The following SLC35D4 variants were observed in gnomAD, a reference collection of about 807,000 sequenced individuals.
The protein encoded by SLC35D4 is solute carrier family 35 member D4.
At chr18:23,277,848 C>T in the SLC35D4 span, among the ~76,000 whole-genome samples, 1 of 152,144 alleles carries the variant, frequency 6.6e-6, no homozygotes, top group Non-Finnish European at 1.5e-5. Context: ...AAGGACAAGG[C>T]CTTGGGGCTC....
chr18:23,422,259 A>G, the SLC35D4 span, among the ~76,000 whole-genome samples: 1 of 151,802 alleles, frequency 6.6e-6, no homozygotes, highest in Non-Finnish European at 1.5e-5. Flanking sequence ...CCCAATAGAT[A>G]CCGTTTCAAC....
chr18:23,430,555 A>G, the SLC35D4 span: 4 of 1,271,304 alleles, frequency 3.1e-6, no homozygotes, highest in Non-Finnish European at 4.5e-6. Flanking sequence ...CTATGCAGTT[A>G]TTAAAACTAT....
chr18:23,326,586 C>T, the SLC35D4 span, among the ~76,000 whole-genome samples: 2 of 152,150 alleles, frequency 1.3e-5, no homozygotes, highest in Non-Finnish European at 2.9e-5. Context: ...GACTTAGACT[C>T]CCACACAATA....
chr18:23,253,969 C>T, the SLC35D4 span: 1 of 1,580,904 alleles, frequency 6.3e-7, no homozygotes, highest in South Asian at 1.1e-5. Flanking sequence ...GCTGGAGGAG[C>T]ACATGCTCCG....
chr18:23,421,578 C>T, the SLC35D4 span: 268 of 696,788 alleles, frequency 3.8e-4, 2 homozygotes, highest in East Asian at 6.8e-3. Context: ...CCTACTCTCT[C>T]CCAATTATCC....
At chr18:23,368,768 A>G in the SLC35D4 span, 6 of 1,426,970 alleles carry the variant, frequency 4.2e-6, no homozygotes, top group Non-Finnish European at 5.8e-6. Context: ...ATGAGAGAGG[A>G]AAAAAAGATA....
At chr18:23,381,350 T>G in the SLC35D4 span, among the ~76,000 whole-genome samples, 1 of 152,320 alleles carries the variant, frequency 6.6e-6, no homozygotes, top group Middle Eastern at 3.4e-3. Context: ...AGTTGATTTT[T>G]GGGTTTTTAG....
chr18:23,303,006 A>G, the SLC35D4 span, among the ~76,000 whole-genome samples: 1 of 152,274 alleles, frequency 6.6e-6, no homozygotes, highest in Admixed American at 6.5e-5. Flanking sequence ...TAACTATACC[A>G]GCACACACAA....
chr18:23,383,620 GA>G, the SLC35D4 span, among the ~76,000 whole-genome samples: 2 of 152,124 alleles, frequency 1.3e-5, no homozygotes, highest in African/African-American at 4.8e-5. Context: ...GAGAAGGGAT[GA>G]GGCAGAGTGG....
chr18:23,251,519 C>G, the SLC35D4 span, among the ~76,000 whole-genome samples: 1 of 151,982 alleles, frequency 6.6e-6, no homozygotes, highest in African/African-American at 2.4e-5. Context: ...AGTATACTCT[C>G]GAGGAGGGAT....
the SLC35D4 span, among the ~76,000 whole-genome samples, chr18:23,426,568 A>C: frequency 2.0e-5 from 3 of 152,214 alleles, no homozygotes; most frequent in Admixed American, 2.0e-4. Flanking sequence ...GGAAGAATCA[A>C]TGTCGTGAAA....
At chr18:23,350,325 A>G in the SLC35D4 span, among the ~76,000 whole-genome samples, 2 of 152,136 alleles carry the variant, frequency 1.3e-5, no homozygotes, top group East Asian at 1.9e-4. Flanking sequence ...TCTGGCAAAG[A>G]CTAGTCAGAA....
At chr18:23,282,436 G>A in the SLC35D4 span, among the ~76,000 whole-genome samples, 2 of 152,300 alleles carry the variant, frequency 1.3e-5, no homozygotes, top group South Asian at 2.1e-4. Context: ...AGATTCGCTC[G>A]GCTCACTGGG....
the SLC35D4 span, among the ~76,000 whole-genome samples, chr18:23,316,329 G>T: frequency 1.3e-5 from 2 of 152,182 alleles, no homozygotes; most frequent in Non-Finnish European, 2.9e-5. Context: ...CCAGGTTAAA[G>T]AGTAAATCTA....
the SLC35D4 span, chr18:23,368,852 T>C: frequency 2.7e-6 from 2 of 749,892 alleles, no homozygotes; most frequent in Non-Finnish European, 2.1e-6. Context: ...TTTTAGTTAC[T>C]ACTTTTATAA....
the SLC35D4 span, among the ~76,000 whole-genome samples, chr18:23,387,407 C>A: frequency 6.6e-6 from 1 of 152,242 alleles, no homozygotes; most frequent in South Asian, 2.1e-4. Context: ...CCAAGAGGAA[C>A]GACCCAAATA....
chr18:23,287,377 C>T, the SLC35D4 span, among the ~76,000 whole-genome samples: 25 of 152,212 alleles, frequency 1.6e-4, 1 homozygote, highest in Middle Eastern at 3.4e-3. Context: ...ACCCTGACAC[C>T]CATCAGGCTC....
At chr18:23,383,706 G>A in the SLC35D4 span, among the ~76,000 whole-genome samples, 1 of 152,042 alleles carries the variant, frequency 6.6e-6, no homozygotes, top group African/African-American at 2.4e-5. Context: ...TCCAGGGCTG[G>A]GTGAAGTGAG....
the SLC35D4 span, chr18:23,377,630 A>G: frequency 6.4e-7 from 1 of 1,572,584 alleles, no homozygotes; most frequent in East Asian, 2.3e-5. Flanking sequence ...TTTTGGGGGG[A>G]GGGCAGTAAA....
Sources: allele counts gnomAD v4.1 joint callset (sites outside exome capture counted in the v4.1 genomes callset), GRCh38; gene constraint gnomAD v4.1.1; transcripts MANE v1.5; gene names NCBI Gene and HGNC (gene_info 2026-07-23, HGNC 2026-07-21).